Variants in ZSCAN25 observed in about 807,000 individuals in gnomAD.
The protein encoded by ZSCAN25 is zinc finger and SCAN domain containing 25.
A neutral mutation model predicts 38.7 loss-of-function variants in ZSCAN25; 27 were observed. The ratio of observed to expected loss-of-function variants is 0.70; its 90% CI spans 0.51 to 0.96. The LOEUF is 0.96. ZSCAN25 is among the 40% of genes least tolerant of loss of function. The probability of loss-of-function intolerance (pLI) is 0.00; values close to 1 mark genes in which losing one functional copy is unlikely to be tolerated. For synonymous variants in ZSCAN25, 273 were observed against 277.7 expected, an observed-to-expected ratio of 0.98 and a Z score of 0.17; for missense variants, 637 against 705.9, an observed-to-expected ratio of 0.90 and a Z score of 1.11.
chr7:99,737,345 C>A, the ZSCAN25 span, among the ~76,000 whole-genome samples: 53 of 152,244 alleles, frequency 3.5e-4, no homozygotes, highest in African/African-American at 1.2e-3. Context: ...AAGGCTGCAA[C>A]CAGAAATTGG....
chr7:99,624,702 G>T (rs544159931), intron 7 of ZSCAN25, among the ~76,000 whole-genome samples: 1 of 152,180 alleles, frequency 6.6e-6, no homozygotes, highest in Admixed American at 6.5e-5. Context: ...GCAGAGCTGC[G>T]CTGGGACTCA....
At chr7:99,722,305 TTTCTA>T in the ZSCAN25 span, 1 of 1,613,624 alleles carries the variant, frequency 6.2e-7, no homozygotes, top group Non-Finnish European at 8.5e-7. Flanking sequence ...CCCCCAGACT[TTTCTA>T]TACTTTTTAT....
At chr7:99,677,087 A>C in the ZSCAN25 span, 1 of 710,072 alleles carries the variant, frequency 1.4e-6, no homozygotes, top group Non-Finnish European at 1.7e-6. Context: ...CTGTACGTGA[A>C]GTATCTCTGA....
At chr7:99,665,026 G>A in the ZSCAN25 span, 15 of 849,512 alleles carry the variant, frequency 1.8e-5, no homozygotes, top group Non-Finnish European at 2.5e-5. Flanking sequence ...GTTTACAATA[G>A]TAATGGTCAT....
the ZSCAN25 span, chr7:99,695,705 C>T: frequency 2.2e-5 from 34 of 1,553,280 alleles, no homozygotes; most frequent in Admixed American, 1.2e-4. Context: ...GCTGCTCTCT[C>T]CAATCATAAG....
chr7:99,702,129 G>T, the ZSCAN25 span, among the ~76,000 whole-genome samples: 4 of 131,566 alleles, frequency 3.0e-5, no homozygotes, highest in Admixed American at 8.5e-5. Flanking sequence ...TTACTCTGTT[G>T]CCCAGGCTGG....
At chr7:99,677,603 A>C in the ZSCAN25 span, among the ~76,000 whole-genome samples, 6 of 152,232 alleles carry the variant, frequency 3.9e-5, no homozygotes, top group Non-Finnish European at 8.8e-5. Context: ...AAAATGTGAT[A>C]AAATAAAACT....
the ZSCAN25 span, among the ~76,000 whole-genome samples, chr7:99,657,862 T>G: frequency 1.3e-5 from 2 of 152,354 alleles, no homozygotes; most frequent in South Asian, 2.1e-4. Flanking sequence ...TCTTTTGATC[T>G]TTGTTGGTTT....
At chr7:99,667,245 T>TG in the ZSCAN25 span, among the ~76,000 whole-genome samples, 1 of 41,190 alleles carries the variant, frequency 2.4e-5, no homozygotes, top group African/African-American at 9.8e-5. Flanking sequence ...TCTGAGTGTA[T>TG]GTGGGGCGGG....
At chr7:99,622,299 T>C (rs1807047334) in intron 5 of ZSCAN25, 1 of 533,756 alleles carries the variant, frequency 1.9e-6, no homozygotes, top group East Asian at 3.4e-5. Context: ...TGGGTAGCCC[T>C]GGACGGACAG....
the ZSCAN25 span, chr7:99,705,737 G>GTTATACT: frequency 9.9e-7 from 1 of 1,014,794 alleles, no homozygotes; most frequent in Non-Finnish European, 1.4e-6. Flanking sequence ...TCTTGGATTC[G>GTTATACT]TTATACTTAC....
rs533533142 is a variant in ZSCAN25 at position 99,629,725 on chromosome 7, A to G, written c.1340A>G (p.Gln447Arg). The G allele has an allele frequency of 1.5e-4, 239 of 1,614,156 alleles. 1 individual carries two copies. In the Admixed American group the frequency reaches 3.6e-3, roughly 24 times the overall value. ...WKSFSRRQHL[Q>R]VHRRTHTGEK... is the part of the protein sequence containing the mutation. ...AGCTTCAGCCGCAGGCAGCACCTGC[A>G]GGTGCACCGGAGGACGCACACCGGG... The change falls in exon 8 of 8, where the codon CAG (glutamine) becomes CGG (arginine). Residue 447 changes from glutamine to arginine, a missense_variant. Coordinates refer to ENST00000394152, the MANE Select transcript of ZSCAN25 (RefSeq NM_145115.3). The surrounding 1 kb of genome is among the most constrained non-coding windows in gnomAD (Gnocchi z 5.6).
At chr7:99,686,125 G>C in the ZSCAN25 span, among the ~76,000 whole-genome samples, 1 of 152,190 alleles carries the variant, frequency 6.6e-6, no homozygotes, top group Non-Finnish European at 1.5e-5. Context: ...GAGGTACCGG[G>C]TTCATCTCAC....
At chr7:99,662,974 T>G in the ZSCAN25 span, 1 of 1,565,944 alleles carries the variant, frequency 6.4e-7, no homozygotes, top group Non-Finnish European at 8.7e-7. The surrounding 1 kb of genome is among the most constrained non-coding windows in gnomAD (Gnocchi z 4.3). Context: ...CCTTCTTGAC[T>G]TCCCTCCCTC....
At chr7:99,707,757 C>A in the ZSCAN25 span, 43 of 1,606,216 alleles carry the variant, frequency 2.7e-5, no homozygotes, top group Non-Finnish European at 3.5e-5. Context: ...ATATATAGAC[C>A]ATTCAGTTAA....
the ZSCAN25 span, among the ~76,000 whole-genome samples, chr7:99,682,154 G>A: frequency 6.6e-6 from 1 of 152,142 alleles, no homozygotes; most frequent in East Asian, 1.9e-4. Flanking sequence ...TTTTTTGGTA[G>A]ACATGTGGTT....
At chr7:99,653,224 G>T in the ZSCAN25 span, among the ~76,000 whole-genome samples, 5 of 152,178 alleles carry the variant, frequency 3.3e-5, no homozygotes, top group Admixed American at 1.3e-4. This position sits in a 1 kb window ranked among gnomAD's most constrained non-coding sequence, Gnocchi z 4.2. Context: ...GCAGAGTCCT[G>T]CTTGGTAACT....
At chr7:99,628,772 C>G (rs191874106) in intron 7 of ZSCAN25, among the ~76,000 whole-genome samples, 1 of 151,820 alleles carries the variant, frequency 6.6e-6, no homozygotes, top group Admixed American at 6.6e-5. Context: ...GGTGTAGAAT[C>G]GTTTGGGGAA....
chr7:99,619,986 C>G lies in ZSCAN25; in HGVS notation c.380C>G (p.Ala127Gly), dbSNP rs766859385. The G allele has an allele frequency of 6.2e-7, 1 of 1,611,758 alleles. No homozygotes were observed. Among genetic ancestry groups the G allele is most frequent in the Non-Finnish European group, 8.5e-7 (1 of 1,179,362 alleles). Residue 127 changes from alanine (A) to glycine (G), a missense_variant, in exon 4 of 8, where the codon GCC becomes GGC. Ala to Gly is a moderately conservative substitution (Grantham distance 60, BLOSUM62 0). Coordinates refer to ENST00000394152, the MANE Select transcript of ZSCAN25 (RefSeq NM_145115.3). The part of the protein sequence containing the change: ...VEDLTERALE[A>G]KAVPCHRQGE... ...GACCTGACAGAAAGAGCACTGGAGGCCAAGGCGGTGGGTGAGGAGGGGATC... is the reference window on the plus strand; with the variant it reads ...GACCTGACAGAAAGAGCACTGGAGGGCAAGGCGGTGGGTGAGGAGGGGATC...
Sources: allele counts gnomAD v4.1 joint callset (sites outside exome capture counted in the v4.1 genomes callset), GRCh38; gene constraint gnomAD v4.1.1; non-coding constraint Gnocchi (gnomAD v3.1); transcripts MANE v1.5; gene names NCBI Gene and HGNC (gene_info 2026-07-23, HGNC 2026-07-21).